The following DSCAML1 variants were observed in gnomAD, a reference collection of about 807,000 sequenced individuals.
DSCAML1 encodes DS cell adhesion molecule like 1.
In DSCAML1, 38 loss-of-function variants were observed where a neutral mutation model predicts 200.5. The ratio of observed to expected loss-of-function variants is 0.19; its 90% CI spans 0.15 to 0.25. DSCAML1 has a LOEUF of 0.25. Among genes scored for constraint, DSCAML1 ranks in the 10% least tolerant of loss-of-function variants. The probability of loss-of-function intolerance (pLI) is 1.00; values close to 1 mark genes in which losing one functional copy is unlikely to be tolerated. For synonymous variants in DSCAML1, 1,215 were observed against 1,165.0 expected (o/e 1.04, Z -0.87); for missense variants, 2,223 against 2,858.8 (o/e 0.78, Z 5.07).
chr11:117,521,345 A>T lies in DSCAML1; in HGVS notation c.998T>A (p.Ile333Asn), dbSNP rs1353205747. ...GGAGCCCGTCAGGGCACAGGAGAGG[A>T]TGACCGTGCTGCCAATGCCGGTCTT... Reference protein sequence around the residue: ...KLKTGIGSTVILSCALTGSPE... With the variant: ...KLKTGIGSTVNLSCALTGSPE... The change falls in exon 6 of 33, where the codon ATC becomes AAC. Residue 333 changes from isoleucine to asparagine, a missense_variant. By Grantham distance (149) the Ile-to-Asn change is moderately radical. Transcript: ENST00000651296. 6.2e-7 allele frequency: 1 copy of T among 1,614,152 alleles called. No individual in the cohort carries two copies. Among genetic ancestry groups the T allele is most frequent in the Non-Finnish European group, 8.5e-7 (1 of 1,180,020 alleles).
At chr11:117,654,570 A>G (rs2052696247) in intron 3 of DSCAML1, among the ~76,000 whole-genome samples, 1 of 152,202 alleles carries the variant, frequency 6.6e-6, no homozygotes, top group Non-Finnish European at 1.5e-5. Flanking sequence ...CAGGAGCCAG[A>G]AGGTACATGA....
In DSCAML1 at chr11:117,516,599, G is replaced by A; in HGVS notation, c.1651C>T (p.Gln551Ter). 1 of 1,614,084 alleles carries A rather than the reference G, an allele frequency of 6.2e-7. No individual in the cohort carries two copies. Among genetic ancestry groups the A allele is most frequent in the Non-Finnish European group, 8.5e-7 (1 of 1,180,026 alleles). ...AGGGTCCCATTCTCAAACACCACCT[G>A]GCGGTGGTTGTCTGGCAGCAGCAGG... ...DALLLPDNHR[Q>*]VVFENGTLKL... Residue 551 changes from glutamine to a stop codon, truncating the protein, a stop_gained, in exon 8 of 33, where the codon CAG becomes TAG. Coordinates refer to ENST00000651296, the MANE Select transcript of DSCAML1 (RefSeq NM_020693.4). LOFTEE classifies it high-confidence loss of function. The surrounding 1 kb of genome is among the most constrained non-coding windows in gnomAD (Gnocchi z 5.7).
intron 3 of DSCAML1, among the ~76,000 whole-genome samples, chr11:117,681,991 T>C (rs1000660801): frequency 6.6e-6 from 1 of 152,214 alleles, no homozygotes; most frequent in Admixed American, 6.5e-5. Flanking sequence ...TTTGATCTTG[T>C]CACTCCCGCT....
At chr11:117,592,190 C>T (rs1203777836) in intron 3 of DSCAML1, among the ~76,000 whole-genome samples, 2 of 152,094 alleles carry the variant, frequency 1.3e-5, no homozygotes, top group African/African-American at 4.8e-5. Flanking sequence ...CTCTGGGCTC[C>T]TGGTTTTGTC....
At chr11:117,744,325 G>C (rs548981694) in intron 3 of DSCAML1, among the ~76,000 whole-genome samples, 1 of 152,196 alleles carries the variant, frequency 6.6e-6, no homozygotes, top group Non-Finnish European at 1.5e-5. Context: ...TCCCTAAAGC[G>C]GGGCCTCTAA....
chr11:117,501,464 C>T (rs1222744421), intron 11 of DSCAML1, among the ~76,000 whole-genome samples: 1 of 152,156 alleles, frequency 6.6e-6, no homozygotes, highest in East Asian at 1.9e-4. Context: ...CAGACAGAGG[C>T]CCTGCCCCTG....
intron 3 of DSCAML1, among the ~76,000 whole-genome samples, chr11:117,566,552 GGT>G (rs529156186): frequency 0.43 from 37,829 of 88,076 alleles, 5,040 homozygotes; most frequent in Non-Finnish European, 0.46. Flanking sequence ...TTTTTGCCTT[GGT>G]TTTTTTTTTG....
chr11:117,465,915 C>T (rs1372320104), intron 16 of DSCAML1, among the ~76,000 whole-genome samples: 6 of 152,174 alleles, frequency 3.9e-5, no homozygotes. Context: ...ACTTCACATC[C>T]ATTAGGACGG....
intron 1 of DSCAML1, among the ~76,000 whole-genome samples, chr11:117,809,219 A>G (rs1439113729): frequency 6.6e-6 from 1 of 152,236 alleles, no homozygotes; most frequent in East Asian, 1.9e-4. Context: ...CATTTGGCGA[A>G]GGGGCTCAGT....
intron 3 of DSCAML1, among the ~76,000 whole-genome samples, chr11:117,688,888 G>T (rs1267731625): frequency 6.6e-6 from 1 of 152,190 alleles, no homozygotes; most frequent in African/African-American, 2.4e-5. Flanking sequence ...GCTCTGCCCT[G>T]CTGGCAACCT....
intron 3 of DSCAML1, among the ~76,000 whole-genome samples, chr11:117,751,395 CTTTTTTT>C (rs368589239): frequency 1.4e-5 from 2 of 142,508 alleles, no homozygotes; most frequent in East Asian, 2.0e-4. Flanking sequence ...CACCTTTTTT[CTTTTTTT>C]TTTTTTCTCT....
chr11:117,437,702 C>G lies in DSCAML1; in HGVS notation c.4432+193G>C, dbSNP rs1295385195. Among the ~76,000 whole-genome samples, 1 of 152,110 alleles carries G rather than the reference C, an allele frequency of 6.6e-6. No individual in the cohort carries two copies. The highest frequency in any genetic ancestry group is 2.4e-5 in the African/African-American group (1 of 41,414). ...TCGGCCACCCGGTGGGGAAGTGGAA[C>G]TAGTTTTTCCTAATGGGATCCATCG... On this transcript the variant is annotated intron_variant, in intron 25 of 32. Transcript: ENST00000651296. This position sits in a 1 kb window ranked among gnomAD's most constrained non-coding sequence, Gnocchi z 5.3.
At chr11:117,782,635 C>T (rs7940750) in intron 1 of DSCAML1, among the ~76,000 whole-genome samples, 56,771 of 152,026 alleles carry the variant, frequency 0.37, 10,793 homozygotes, top group African/African-American at 0.4. Context: ...GGCAGCAAAC[C>T]GAGGCTCGGG....
intron 3 of DSCAML1, among the ~76,000 whole-genome samples, chr11:117,561,527 C>G (rs1440662484): frequency 2.0e-5 from 3 of 152,208 alleles, no homozygotes; most frequent in African/African-American, 7.2e-5. Context: ...CCTCCTGCCC[C>G]TTGCCTTGCT....
chr11:117,810,100 CACAT>C (rs1056310791), intron 1 of DSCAML1, among the ~76,000 whole-genome samples: 7 of 152,242 alleles, frequency 4.6e-5, no homozygotes, highest in South Asian at 2.1e-4. Flanking sequence ...TACACACATT[CACAT>C]ACATACATAT....
At chr11:117,597,126 T>C (rs1234004763) in intron 3 of DSCAML1, among the ~76,000 whole-genome samples, 1 of 152,194 alleles carries the variant, frequency 6.6e-6, no homozygotes, top group Non-Finnish European at 1.5e-5. Flanking sequence ...GGTTTGCAAA[T>C]AATGACATAA....
At position 117,525,037 on chromosome 11, in the gene DSCAML1, C is replaced by G; in HGVS notation, c.705G>C (p.Gln235His). ...IPTILDGFHSQEVWAGHTVEL... is the reference protein window; with the variant it reads ...IPTILDGFHSHEVWAGHTVEL... ...CCACGGTGTGGCCGGCCCACACTTC[C>G]TGGGAGTGGAAGCCATCCAGGATGG... Residue 235 changes from glutamine to histidine, a missense_variant, in exon 5 of 33, where the codon CAG (glutamine) becomes CAC (histidine). By Grantham distance (24) the Gln-to-His change is conservative. This residue lies in a region of DSCAML1 where 579 missense variants were observed against 721.5 expected (regional missense o/e 0.80). Transcript: ENST00000651296. 6.3e-7 allele frequency: 1 copy of G among 1,595,084 alleles called. No homozygotes were observed. Among genetic ancestry groups the G allele is most frequent in the Non-Finnish European group, 8.5e-7 (1 of 1,172,290 alleles).
intron 3 of DSCAML1, among the ~76,000 whole-genome samples, chr11:117,683,899 C>G (rs1375669045): frequency 6.6e-6 from 1 of 152,150 alleles, no homozygotes; most frequent in East Asian, 1.9e-4. Flanking sequence ...ACCCAGGGTC[C>G]CAATACCTTC....
intron 3 of DSCAML1, among the ~76,000 whole-genome samples, chr11:117,617,227 C>T (rs2051827643): frequency 6.6e-6 from 1 of 152,108 alleles, no homozygotes; most frequent in Non-Finnish European, 1.5e-5. Context: ...GAACTGGGGA[C>T]ACCTTCTGAG....
Sources: gnomAD v4.1 joint callset for allele counts (sites outside exome capture counted in the v4.1 genomes callset) on GRCh38, gnomAD v4.1.1 for gene constraint, gnomAD v4.1.1 regional missense constraint, Gnocchi (gnomAD v3.1) non-coding constraint, MANE v1.5 for transcripts, NCBI Gene and HGNC (gene_info 2026-07-23, HGNC 2026-07-21) for gene names.